The following CTNND2 variants were observed in gnomAD, a reference collection of about 807,000 sequenced individuals.
CTNND2 encodes the protein catenin delta-2.
CTNND2 carries 22 observed loss-of-function variants against 144.4 expected under a neutral mutation model. That is an observed-to-expected ratio of 0.15 (90% CI 0.11 to 0.22). The LOEUF is 0.22. Ranked by LOEUF, CTNND2 falls within the 10% of genes least tolerant of loss-of-function variation. The pLI, the probability that CTNND2 is intolerant of heterozygous loss-of-function variation, is 1.00. For missense variants in CTNND2, 1,353 were observed against 1,618.8 expected, an observed-to-expected ratio of 0.84 and a Z score of 2.82; for synonymous variants, 751 against 695.6, an observed-to-expected ratio of 1.08 and a Z score of -1.25.
chr5:11,855,535 T>G (rs534138976), intron 1 of CTNND2, among the ~76,000 whole-genome samples: 6 of 152,324 alleles, frequency 3.9e-5, no homozygotes, highest in Admixed American at 3.9e-4. Context: ...AGAGGAGATC[T>G]GTAAGCACCT....
chr5:11,655,739 T>A (rs2727595), intron 2 of CTNND2, among the ~76,000 whole-genome samples: 53,668 of 151,938 alleles, frequency 0.35, 12,758 homozygotes, highest in African/African-American at 0.68. Context: ...GATCAATCCA[T>A]ATGTACTAGA....
chr5:11,293,839 T>C (rs1161978695), intron 9 of CTNND2, among the ~76,000 whole-genome samples: 2 of 147,226 alleles, frequency 1.4e-5, no homozygotes, highest in African/African-American at 2.5e-5. Flanking sequence ...TGCTTAAATA[T>C]ATATGTATAT....
intron 3 of CTNND2, among the ~76,000 whole-genome samples, chr5:11,562,361 C>A (rs941683591): frequency 2.6e-5 from 4 of 152,090 alleles, no homozygotes; most frequent in Non-Finnish European, 5.9e-5. Flanking sequence ...TAGTCTATCA[C>A]CTTTAATGAA....
intron 6 of CTNND2, among the ~76,000 whole-genome samples, chr5:11,394,499 A>G (rs1466627690): frequency 6.6e-6 from 1 of 152,204 alleles, no homozygotes; most frequent in Non-Finnish European, 1.5e-5. Flanking sequence ...TGGGGAAAGG[A>G]TATCTGTAAA....
chr5:11,389,809 C>G (rs1759465704), intron 6 of CTNND2, among the ~76,000 whole-genome samples: 1 of 151,838 alleles, frequency 6.6e-6, no homozygotes, highest in Admixed American at 6.6e-5. Context: ...ATGAATGTCA[C>G]AGTAGAAAAT....
At chr5:11,685,983 T>C (rs943236122) in intron 2 of CTNND2, among the ~76,000 whole-genome samples, 2 of 152,158 alleles carry the variant, frequency 1.3e-5, no homozygotes, top group African/African-American at 4.8e-5. Flanking sequence ...GGCAGGCCAA[T>C]AGCTTTGAGC....
intron 2 of CTNND2, among the ~76,000 whole-genome samples, chr5:11,624,258 C>T (rs893004849): frequency 5.3e-5 from 8 of 151,986 alleles, no homozygotes; most frequent in African/African-American, 1.7e-4. Context: ...GATACCAAAG[C>T]GTGTTAAATT....
intron 9 of CTNND2, among the ~76,000 whole-genome samples, chr5:11,301,124 C>T (rs562938529): frequency 6.6e-6 from 1 of 152,104 alleles, no homozygotes; most frequent in Non-Finnish European, 1.5e-5. Context: ...TCAAGCAATT[C>T]TCCTATGTCA....
chr5:11,029,167 TTC>T (rs1434632378), intron 16 of CTNND2, among the ~76,000 whole-genome samples: 1 of 152,234 alleles, frequency 6.6e-6, no homozygotes, highest in East Asian at 1.9e-4. Flanking sequence ...TTCAATCTAT[TTC>T]TGTCTTTGAA....
rs192646012 is a variant in CTNND2 at position 11,178,647 on chromosome 5, T to C, written c.1976-18888A>G. ...TTATGGAGGTCTGAGAAATTTGAGA[T>C]GTAAGACATCAGTAGAGCCTAGCAG... is the stretch of plus-strand genomic sequence containing the variant. On this transcript the variant is annotated intron_variant, in intron 11 of 21. Coordinates refer to ENST00000304623, the MANE Select transcript of CTNND2 (RefSeq NM_001332.4). 3.9e-5 allele frequency among the ~76,000 whole-genome samples: 6 copies of C among 152,328 alleles called. No individual in the cohort carries two copies. The South Asian group carries it at 1.0e-3, about 26-fold the overall frequency.
intron 9 of CTNND2, among the ~76,000 whole-genome samples, chr5:11,294,070 T>C (rs1170415986): frequency 6.6e-6 from 1 of 151,326 alleles, no homozygotes; most frequent in African/African-American, 2.4e-5. Flanking sequence ...TCAATTTTCT[T>C]GACATTTGCA....
At chr5:11,753,374 A>G (rs1304664995) in intron 1 of CTNND2, among the ~76,000 whole-genome samples, 3 of 151,752 alleles carry the variant, frequency 2.0e-5, no homozygotes, top group African/African-American at 7.2e-5. Context: ...CTGAAGGTTC[A>G]TAACATGAAG....
At chr5:11,487,575 G>A (rs1039832949) in intron 3 of CTNND2, among the ~76,000 whole-genome samples, 13 of 152,064 alleles carry the variant, frequency 8.5e-5, no homozygotes, top group Non-Finnish European at 1.8e-4. Context: ...CAGTGTGCTC[G>A]TCAGAGTGCA....
rs537145924 is a variant in CTNND2 at position 11,387,843 on chromosome 5, G to A, written c.613-2614C>T. ...CCAATGTAAATGAGAATATTAAGTC[G>A]GTATTCATTCTAATATTTAAATATT... On this transcript the variant is annotated intron_variant, in intron 6 of 21. Transcript: ENST00000304623. Among the ~76,000 whole-genome samples, 12 of 152,070 alleles carry A rather than the reference G, an allele frequency of 7.9e-5. No individual in the cohort carries two copies. The South Asian group carries it at 1.5e-3, about 18-fold the overall frequency.
intron 3 of CTNND2, among the ~76,000 whole-genome samples, chr5:11,460,524 TC>T (rs1334815013): frequency 1.3e-5 from 2 of 152,186 alleles, no homozygotes; most frequent in Non-Finnish European, 2.9e-5. Context: ...TACTATGCTG[TC>T]CCCACTAACT....
intron 18 of CTNND2, 99 bp downstream of exon 18, chr5:11,017,875 A>C (rs926770254): frequency 3.4e-6 from 3 of 890,372 alleles, no homozygotes; most frequent in Admixed American, 3.9e-5. Flanking sequence ...TTGTGTTTCA[A>C]TGACTGAGGC....
intron 3 of CTNND2, among the ~76,000 whole-genome samples, chr5:11,537,051 G>T: frequency 6.9e-6 from 1 of 145,504 alleles, no homozygotes; most frequent in African/African-American, 2.5e-5. Flanking sequence ...GGAGGCAGCA[G>T]GTGGGGGGAA....
intron 11 of CTNND2, among the ~76,000 whole-genome samples, chr5:11,184,374 T>C (rs1471342586): frequency 2.6e-5 from 4 of 152,130 alleles, no homozygotes; most frequent in African/African-American, 9.7e-5. Flanking sequence ...CCTCAGAAAA[T>C]AAATTTGTGA....
intron 3 of CTNND2, among the ~76,000 whole-genome samples, chr5:11,417,070 T>C (rs1159156870): frequency 6.6e-6 from 1 of 152,186 alleles, no homozygotes; most frequent in Non-Finnish European, 1.5e-5. Context: ...ATAGCTAATA[T>C]TTATATAGGT....
Sources: gnomAD v4.1 joint callset for allele counts (sites outside exome capture counted in the v4.1 genomes callset) on GRCh38, gnomAD v4.1.1 for gene constraint, MANE v1.5 for transcripts, NCBI Gene and HGNC (gene_info 2026-07-23, HGNC 2026-07-21) for gene names.